The following MACF1 variants were observed in gnomAD, a reference collection of about 807,000 sequenced individuals.
MACF1 encodes microtubule-actin cross-linking factor 1.
A neutral mutation model predicts 854.8 loss-of-function variants in MACF1; 193 were observed. That is an observed-to-expected ratio of 0.23 (90% CI 0.20 to 0.25). The LOEUF (loss-of-function observed/expected upper bound fraction) is 0.25, where lower values mean the gene tolerates loss of function less well. Ranked by LOEUF, MACF1 falls within the 10% of genes least tolerant of loss-of-function variation. MACF1 has a pLI of 1.00. For missense variants in MACF1, 7,722 were observed against 8,929.1 expected (o/e 0.86, Z 5.45); for synonymous variants, 3,185 against 3,226.7 (o/e 0.99, Z 0.44).
intron 2 of MACF1, among the ~76,000 whole-genome samples, chr1:39,140,692 G>A (rs1189367392): frequency 6.6e-6 from 1 of 152,000 alleles, no homozygotes; most frequent in African/African-American, 2.4e-5. Flanking sequence ...TGAGGCAGGC[G>A]GATCACGAGG....
chr1:39,322,801 T>C (rs1646538507), intron 32 of MACF1, 86 bp downstream of exon 32: 1 of 1,523,156 alleles, frequency 6.6e-7, no homozygotes, highest in African/African-American at 1.4e-5. Context: ...GATTTAGGGC[T>C]CACTTTTCTG....
At chr1:39,178,036 T>C (rs1247499710) in intron 2 of MACF1, among the ~76,000 whole-genome samples, 1 of 151,922 alleles carries the variant, frequency 6.6e-6, no homozygotes, top group African/African-American at 2.4e-5. Context: ...GGGAAATCTT[T>C]AGGCTGTCAG....
At chr1:39,390,473 C>A (rs960481909) in intron 58 of MACF1, among the ~76,000 whole-genome samples, 1 of 152,142 alleles carries the variant, frequency 6.6e-6, no homozygotes, top group Non-Finnish European at 1.5e-5. Context: ...GCCTTCTTAC[C>A]ATGTTTGGAG....
intron 14 of MACF1, among the ~76,000 whole-genome samples, chr1:39,286,719 C>A (rs971511743): frequency 6.6e-6 from 1 of 151,926 alleles, no homozygotes; most frequent in Non-Finnish European, 1.5e-5. Context: ...CCCACCTCAG[C>A]CTCCCAAGGC....
At chr1:39,223,520 T>A (rs1644678548) in intron 1 of MACF1, among the ~76,000 whole-genome samples, 1 of 152,100 alleles carries the variant, frequency 6.6e-6, no homozygotes, top group African/African-American at 2.4e-5. Flanking sequence ...ATTTAATTTT[T>A]TTTTTTTTTT....
chr1:39,102,121 A>G lies in MACF1; in HGVS notation c.220+17683A>G, dbSNP rs562341513. 1.4e-3 allele frequency among the ~76,000 whole-genome samples: 209 copies of G among 148,346 alleles called. 1 individual carries two copies. Among genetic ancestry groups the G allele is most frequent in the African/African-American group, 4.4e-3 (178 of 40,274 alleles). ...AACCCCGGGGGGCGGAGCCTGCAGTAAGCCGAGATCGCGCCACTGCACTCC... is the reference window on the plus strand; with the variant it reads ...AACCCCGGGGGGCGGAGCCTGCAGTGAGCCGAGATCGCGCCACTGCACTCC... On this transcript the variant is annotated intron_variant, in intron 2 of 93. Transcript: ENST00000361689.
chr1:39,474,904 A>G (rs1644848828), intron 97 of MACF1, among the ~76,000 whole-genome samples: 1 of 152,218 alleles, frequency 6.6e-6, no homozygotes, highest in African/African-American at 2.4e-5. Context: ...TACAGAAACC[A>G]CAAGTTCATA....
At chr1:39,249,587 G>A (rs1571221531) in intron 2 of MACF1, among the ~76,000 whole-genome samples, 1 of 152,224 alleles carries the variant, frequency 6.6e-6, no homozygotes, top group African/African-American at 2.4e-5. Context: ...TACACCCCAG[G>A]AAACACTGGG....
intron 58 of MACF1, chr1:39,412,017 T>G (rs1643031028): frequency 6.2e-7 from 1 of 1,613,894 alleles, no homozygotes; most frequent in African/African-American, 1.3e-5. Flanking sequence ...CTGCAGAATT[T>G]AAGTCCAGAC....
At chr1:39,164,334 T>A (rs1234661834) in intron 2 of MACF1, among the ~76,000 whole-genome samples, 1 of 152,230 alleles carries the variant, frequency 6.6e-6, no homozygotes, top group Non-Finnish European at 1.5e-5. Flanking sequence ...CTACTGAGGG[T>A]AACAAGAGGC....
chr1:39,353,311 A>G, intron 44 of MACF1, 80 bp downstream of exon 44: 1 of 1,047,338 alleles, frequency 9.5e-7, no homozygotes. Flanking sequence ...CCTTGCCCCT[A>G]AATCCAGTGA....
rs368210104 is a variant in MACF1, at chr1:39,084,257, A to G, written c.39A>G (p.Ser13=). 5.6e-6 allele frequency: 9 copies of G among 1,612,846 alleles called. No individual in the cohort carries two copies. Among genetic ancestry groups the G allele is most frequent in the Non-Finnish European group, 7.6e-6 (9 of 1,179,230 alleles). Residue 13 remains serine (S), a synonymous_variant, in exon 2 of 94, where the codon TCA becomes TCG. Coordinates refer to the MACF1 transcript ENST00000361689. The surrounding 1 kb of genome is among the most constrained non-coding windows in gnomAD (Gnocchi z 5.2). ...ATGAAGAGACGCTCAGTGAGCGGTC[A>G]TGTCGGAGTGAGCGGTCTTGTCGGA...
At chr1:39,128,656 G>A (rs570259679) in intron 2 of MACF1, among the ~76,000 whole-genome samples, 12 of 151,834 alleles carry the variant, frequency 7.9e-5, no homozygotes, top group African/African-American at 2.4e-4. Flanking sequence ...CCGAGATCAC[G>A]CCACTGCTCT....
At chr1:39,187,641 A>G (rs1644189410) in intron 2 of MACF1, among the ~76,000 whole-genome samples, 1 of 152,112 alleles carries the variant, frequency 6.6e-6, no homozygotes, top group Non-Finnish European at 1.5e-5. Context: ...GTCTTATTCT[A>G]CTTTTCATTT....
chr1:39,395,742 C>G (rs1459017326), intron 58 of MACF1, among the ~76,000 whole-genome samples: 1 of 151,832 alleles, frequency 6.6e-6, no homozygotes, highest in Non-Finnish European at 1.5e-5. Flanking sequence ...TTCCAATGCT[C>G]TGTAATAATC....
intron 2 of MACF1, among the ~76,000 whole-genome samples, chr1:39,247,892 C>T (rs1645000272): frequency 1.3e-5 from 2 of 152,030 alleles, no homozygotes; most frequent in African/African-American, 4.8e-5. Context: ...TGTGGTGGTG[C>T]GCACCTGTAA....
intron 15 of MACF1, among the ~76,000 whole-genome samples, chr1:39,289,772 A>G (rs1015998313): frequency 2.4e-5 from 3 of 125,128 alleles, no homozygotes; most frequent in African/African-American, 6.0e-5. Context: ...CAATGGCGCA[A>G]TCTCGGCTCA....
chr1:39,182,160 A>T (rs888554711), intron 2 of MACF1, among the ~76,000 whole-genome samples: 1 of 151,904 alleles, frequency 6.6e-6, no homozygotes. Context: ...TAAAAAAAAA[A>T]AAAAAAAGAA....
intron 2 of MACF1, among the ~76,000 whole-genome samples, chr1:39,242,592 T>C (rs911286401): frequency 1.3e-5 from 2 of 150,828 alleles, no homozygotes; most frequent in African/African-American, 4.9e-5. Context: ...CTACAAAGAA[T>C]AGAAAAAACT....
Sources: allele counts gnomAD v4.1 joint callset (sites outside exome capture counted in the v4.1 genomes callset), GRCh38; gene constraint gnomAD v4.1.1; non-coding constraint Gnocchi (gnomAD v3.1); transcripts MANE v1.5; gene names NCBI Gene and HGNC (gene_info 2026-07-23, HGNC 2026-07-21).